ITGB4: variants seen among roughly 807,000 people sequenced by gnomAD.
The protein encoded by ITGB4 is integrin beta-4.
Under a neutral mutation model 207.6 loss-of-function variants are expected in ITGB4, and 159 were observed. The observed-to-expected ratio is 0.77, with a 90% CI of 0.67 to 0.87. ITGB4 has a LOEUF of 0.87. ITGB4 is among the 40% of genes least tolerant of loss of function. The probability of loss-of-function intolerance (pLI) is 0.00; values close to 1 mark genes in which losing one functional copy is unlikely to be tolerated. For synonymous variants in ITGB4, 1,020 were observed against 1,062.7 expected, an observed-to-expected ratio of 0.96 and a Z score of 0.78; for missense variants, 2,278 against 2,546.8, an observed-to-expected ratio of 0.89 and a Z score of 2.27.
At chr17:75,745,228 A>G (rs2061207335) in intron 26 of ITGB4, among the ~76,000 whole-genome samples, 1 of 152,016 alleles carries the variant, frequency 6.6e-6, no homozygotes, top group Non-Finnish European at 1.5e-5. Context: ...CCATGTCTAT[A>G]CATATAATTT....
At chr17:75,751,970 T>C (rs1217843849) in intron 30 of ITGB4, 5 of 682,228 alleles carry the variant, frequency 7.3e-6, no homozygotes, top group African/African-American at 7.0e-5. Context: ...CAGAGTCCCT[T>C]GGAGGACTGG....
intron 13 of ITGB4, among the ~76,000 whole-genome samples, chr17:75,735,412 C>CTTTTTTTTTTTTT (rs71361693): frequency 9.7e-5 from 10 of 102,840 alleles, no homozygotes; most frequent in Non-Finnish European, 1.3e-4. Flanking sequence ...TTTTTCTTTT[C>CTTTTTTTTTTTTT]TTTTTTTTTT....
intron 33 of ITGB4, 124 bp from the exon 34 acceptor site, chr17:75,754,452 C>A: frequency 8.1e-7 from 1 of 1,229,624 alleles, no homozygotes; most frequent in Non-Finnish European, 1.2e-6. Context: ...TTGAGGGAAA[C>A]TGGTTGTATT....
chr17:75,754,624 A>G lies in ITGB4; in HGVS notation c.4367A>G (p.Asn1456Ser). Residue 1456 changes from asparagine (N) to serine (S), a missense_variant, in exon 34 of 40, where the codon AAC becomes AGC. Physicochemically the swap from Asn to Ser is conservative, Grantham distance 46. Transcript: ENST00000200181. The part of the protein sequence containing the change: ...RMDFAFPGST[N>S]SLHRMTTTSA... ...GACTTTGCCTTCCCGGGCAGCACCAACTCCCTGCACAGGATGACCACGACC... is the reference window on the plus strand; with the variant it reads ...GACTTTGCCTTCCCGGGCAGCACCAGCTCCCTGCACAGGATGACCACGACC... 6.2e-7 allele frequency: 1 copy of G among 1,613,776 alleles called. No homozygotes were observed. Among genetic ancestry groups the G allele is most frequent in the East Asian group, 2.2e-5 (1 of 44,848 alleles).
At position 75,753,937 on chromosome 17, in the gene ITGB4, C is replaced by T. The variant is rs1484336743; in HGVS notation, c.4281C>T (p.Gly1427=). The change falls in exon 33 of 40, where the codon GGC becomes GGT. Residue 1427 remains glycine, a synonymous_variant. Transcript: ENST00000200181. ...PDDGGAGGKG[G]SLPRSATPGP... ...ACGGCGGCGCGGGCGGGAAGGGCGG[C>T]AGCCTGCCCCGCAGTGCGACACCCG... The T allele has an allele frequency of 7.8e-7, 1 of 1,279,032 alleles. No homozygotes were observed. Among genetic ancestry groups the T allele is most frequent in the Non-Finnish European group, 9.8e-7 (1 of 1,018,786 alleles). 79.2% of individuals were successfully genotyped at this position (1,279,032 alleles called of 1,614,324 possible).
At chr17:75,746,924 T>G (rs1432831243) in intron 26 of ITGB4, among the ~76,000 whole-genome samples, 2 of 131,370 alleles carry the variant, frequency 1.5e-5, no homozygotes, top group African/African-American at 2.9e-5. Context: ...GTGAAACCCC[T>G]GTCTCAAAAA....
intron 33 of ITGB4, 32 bp downstream of exon 33, chr17:75,754,006 C>A (rs1035633329): frequency 3.0e-6 from 3 of 998,490 alleles, no homozygotes; most frequent in Non-Finnish European, 2.6e-6. Context: ...CCCCGATCCG[C>A]GCCCACCCAG....
rs530101325 is a variant in ITGB4 at position 75,729,189 on chromosome 17, T to A, written c.567-76T>A. 7 of 1,424,288 alleles carry A rather than the reference T, an allele frequency of 4.9e-6. No homozygotes were observed. In the South Asian group the frequency reaches 7.5e-5, roughly 15 times the overall value. 88.2% of individuals were successfully genotyped at this position (1,424,288 alleles called of 1,614,324 possible). A position where few individuals can be genotyped will look rare whatever the true frequency, so the allele number is the denominator to read the frequency against. On this transcript the variant is annotated intron_variant, in intron 6 of 39. Coordinates refer to ENST00000200181, the MANE Select transcript of ITGB4 (RefSeq NM_000213.5). The surrounding 1 kb of genome is among the most constrained non-coding windows in gnomAD (Gnocchi z 4.4). The stretch of plus-strand genomic sequence containing the variant: ...AAAAAAAAAAAATTCTCCTTCTAGT[T>A]GAAACGAGCCAGGGGCACTGGGGTC...
In ITGB4 at chr17:75,757,055, G is replaced by C. The variant is rs1325508547; in HGVS notation, c.5166G>C (p.Glu1722Asp). The C allele has an allele frequency of 1.2e-6, 2 of 1,612,556 alleles. No homozygotes were observed. Among genetic ancestry groups the C allele is most frequent in the Non-Finnish European group, 1.7e-6 (2 of 1,179,906 alleles). Residue 1722 changes from glutamate (E) to aspartate (D), a missense_variant, in exon 38 of 40, where the codon GAG becomes GAC. Coordinates refer to ENST00000200181, the MANE Select transcript of ITGB4 (RefSeq NM_000213.5). The part of the protein sequence containing the change: ...YKFKVQARTT[E>D]GFGPEREGII... ...TCAAGGTGCAGGCCAGGACCACTGA[G>C]GGCTTCGGGCCAGAGCGCGAGGGCA...
intron 34 of ITGB4, chr17:75,755,158 C>T (rs752438746): frequency 1.2e-6 from 2 of 1,611,514 alleles, no homozygotes; most frequent in Non-Finnish European, 8.5e-7. Context: ...CTTCCAGGGG[C>T]CCACGAGACT....
Position 75,740,598 on chromosome 17 carries a change from A to AG in ITGB4, c.2550+142dup. On this transcript the variant is annotated intron_variant, in intron 21 of 39. Coordinates refer to ENST00000200181, the MANE Select transcript of ITGB4 (RefSeq NM_000213.5). This position sits in a 1 kb window ranked among gnomAD's most constrained non-coding sequence, Gnocchi z 5.9. ...GGGTCTCTCTGGACCTGTGCCTGGC[A>AG]GGGGGCATCCTGGGATCTGTTTCCA... 1.0e-6 allele frequency: 1 copy of AG among 955,336 alleles called. No homozygotes were observed. Among genetic ancestry groups the AG allele is most frequent in the Non-Finnish European group, 1.6e-6 (1 of 606,872 alleles). 59.2% of individuals were successfully genotyped at this position (955,336 alleles called of 1,614,324 possible).
At chr17:75,724,639 A>T in intron 1 of ITGB4, 55 bp from the exon 2 acceptor site, 1 of 1,304,552 alleles carries the variant, frequency 7.7e-7, no homozygotes, top group Non-Finnish European at 1.1e-6. Context: ...GAGGAAGCTG[A>T]CGGCACCGAC....
Position 75,752,196 on chromosome 17 carries a change from A to T in ITGB4, c.3816A>T (p.Lys1272Asn), listed in dbSNP as rs761318185. ...DDNRPIGPMK[K>N]VLVDNPKNRM... ...CAGGACCTATTGGGCCCATGAAGAA[A>T]GTGCTGGTTGACAACCCTAAGAACC... The change falls in exon 31 of 40, where the codon AAA becomes AAT. Residue 1272 changes from lysine (K) to asparagine (N), a missense_variant. Transcript: ENST00000200181. The T allele has an allele frequency of 1.2e-6, 2 of 1,613,854 alleles. No individual in the cohort carries two copies. The highest frequency in any genetic ancestry group is 1.7e-6 in the Non-Finnish European group (2 of 1,180,012).
At chr17:75,737,233 C>G in intron 16 of ITGB4, 89 bp from the exon 17 acceptor site, 3 of 1,503,278 alleles carry the variant, frequency 2.0e-6, no homozygotes, top group South Asian at 2.4e-5. Context: ...TGAGGCAGAT[C>G]GCAGAGTAGG....
In ITGB4 at chr17:75,731,673, C is replaced by T; in HGVS notation, c.1216-139C>T. ...GCGCTGGGAAGGAGGGAGTTTCCAGCCCTGAGGGAGGTGAGCAGGAGCTCA... is the reference window on the plus strand; with the variant it reads ...GCGCTGGGAAGGAGGGAGTTTCCAGTCCTGAGGGAGGTGAGCAGGAGCTCA... On this transcript the variant is annotated intron_variant, in intron 10 of 39. Transcript: ENST00000200181. This position sits in a 1 kb window ranked among gnomAD's most constrained non-coding sequence, Gnocchi z 6.8. The T allele has an allele frequency of 1.0e-6, 1 of 971,824 alleles. No homozygotes were observed. Among genetic ancestry groups the T allele is most frequent in the South Asian group, 1.7e-5 (1 of 58,492 alleles). The allele number at this position is 971,824 out of a possible 1,614,324, so 60.2% of individuals were successfully genotyped here. A position where few individuals can be genotyped will look rare whatever the true frequency, so the allele number is the denominator to read the frequency against.
chr17:75,743,613 C>A, intron 25 of ITGB4, 100 bp from the exon 26 acceptor site: 1 of 1,532,566 alleles, frequency 6.5e-7, no homozygotes, highest in Non-Finnish European at 9.0e-7. Flanking sequence ...ACCAAGCGGA[C>A]TCCTGGATTC....
In ITGB4 at chr17:75,730,343, A is replaced by C; in HGVS notation, c.841A>C (p.Met281Leu). Residue 281 changes from methionine to leucine, a missense_variant, in exon 8 of 40, where the codon ATG (methionine) becomes CTG (leucine). Physicochemically the swap from Met to Leu is conservative, Grantham distance 15. Coordinates refer to ENST00000200181, the MANE Select transcript of ITGB4 (RefSeq NM_000213.5). ...ADGANVLAGIMSRNDERCHLD... is the reference protein window; with the variant it reads ...ADGANVLAGILSRNDERCHLD... ...TGGCGCCAACGTGCTGGCTGGCATC[A>C]TGAGCCGCAACGATGAACGGTGCCA... The C allele has an allele frequency of 1.9e-6, 3 of 1,613,836 alleles. No individual in the cohort carries two copies. The highest frequency in any genetic ancestry group is 2.5e-6 in the Non-Finnish European group (3 of 1,180,014).
chr17:75,756,907 G>A (rs775307693), intron 37 of ITGB4, 36 bp from the exon 38 acceptor site: 32 of 1,612,170 alleles, frequency 2.0e-5, no homozygotes, highest in Middle Eastern at 1.7e-4. Flanking sequence ...GGGTAAAGAG[G>A]GGGCCGCAGA....
chr17:75,756,573 T>C lies in ITGB4; in HGVS notation c.4853T>C (p.Ile1618Thr), dbSNP rs754144042. 5 of 1,613,116 alleles carry C rather than the reference T, an allele frequency of 3.1e-6. No homozygotes were observed. Among genetic ancestry groups the C allele is most frequent in the Admixed American group, 3.3e-5 (2 of 60,016 alleles). ...WGREREGVIT[I>T]ESQVHPQSPL... is the part of the protein sequence containing the mutation. ...CGAGAGCGTGAGGGTGTCATCACCA[T>C]TGAATCCCAGGTGCACCCGCAGAGC... The change falls in exon 36 of 40, where the codon ATT becomes ACT. Residue 1618 changes from isoleucine (I) to threonine (T), a missense_variant. By Grantham distance (89) the Ile-to-Thr change is moderately conservative. Coordinates refer to ENST00000200181, the MANE Select transcript of ITGB4 (RefSeq NM_000213.5).
Sources: allele counts gnomAD v4.1 joint callset (sites outside exome capture counted in the v4.1 genomes callset), GRCh38; gene constraint gnomAD v4.1.1; non-coding constraint Gnocchi (gnomAD v3.1); transcripts MANE v1.5; gene names NCBI Gene and HGNC (gene_info 2026-07-23, HGNC 2026-07-21).